The following COL5A1 variants were observed in gnomAD, a reference collection of about 807,000 sequenced individuals.
The protein encoded by COL5A1 is collagen alpha-1(V) chain.
In COL5A1, 16 loss-of-function variants were observed where a neutral mutation model predicts 263.7. That is an observed-to-expected ratio of 0.06 (90% CI 0.04 to 0.09). The LOEUF is 0.09. Ranked by LOEUF, COL5A1 falls within the 10% of genes least tolerant of loss-of-function variation. The probability of loss-of-function intolerance (pLI) is 1.00; values close to 1 mark genes in which losing one functional copy is unlikely to be tolerated. For missense variants in COL5A1, 2,036 were observed against 2,540.5 expected (o/e 0.80, Z 4.27); for synonymous variants, 1,012 against 1,004.5 (o/e 1.01, Z -0.14).
intron 43 of COL5A1, 85 bp from the exon 44 acceptor site, chr9:134,810,170 C>T (rs1381560687): frequency 6.8e-7 from 1 of 1,474,274 alleles, no homozygotes. Flanking sequence ...TGTTCTTAAT[C>T]TCCAAGAAAA....
intron 9 of COL5A1, chr9:134,732,803 G>T (rs113435610): frequency 0.021 from 3,352 of 158,976 alleles, 41 homozygotes; most frequent in Middle Eastern, 0.058. Context: ...TGGCGCGTTT[G>T]GTGGGGGCCC....
rs969407154 is a variant in COL5A1 at position 134,758,920 on chromosome 9, C to T, written c.1935+624C>T. Among the ~76,000 whole-genome samples the T allele has an allele frequency of 3.3e-5, 5 of 152,114 alleles. No homozygotes were observed. Among genetic ancestry groups the T allele is most frequent in the Admixed American group, 2.6e-4 (4 of 15,284 alleles). On this transcript the variant is annotated intron_variant, in intron 18 of 65. Transcript: ENST00000371817. The surrounding 1 kb of genome is among the most constrained non-coding windows in gnomAD (Gnocchi z 4.1). Reference sequence around the variant, plus strand: ...TTTGGATAAACGGCAACAGCCAAGCCCCTCGAATCTTGAATCTGTCTCAAT... The same window carrying T: ...TTTGGATAAACGGCAACAGCCAAGCTCCTCGAATCTTGAATCTGTCTCAAT...
At chr9:134,824,995 G>T in intron 62 of COL5A1, 140 bp downstream of exon 62, 3 of 1,249,152 alleles carry the variant, frequency 2.4e-6, no homozygotes, top group Non-Finnish European at 3.3e-6. Context: ...CTGTGGGGCC[G>T]GGGTGCGCAA....
At chr9:134,717,822 C>T (rs1163496226) in intron 4 of COL5A1, among the ~76,000 whole-genome samples, 1 of 152,178 alleles carries the variant, frequency 6.6e-6, no homozygotes. Flanking sequence ...GAGTGCTCAG[C>T]TGGGATTCCT....
intron 9 of COL5A1, 162 bp downstream of exon 9, chr9:134,732,289 C>T (rs1588482096): frequency 1.4e-6 from 1 of 735,420 alleles, no homozygotes; most frequent in East Asian, 2.7e-5. Context: ...ACCACTTGTC[C>T]CCAGGACTTG....
At chr9:134,657,355 TAGGGGGTGAAGTTTATAGATAATA>T (rs1832034406) in intron 1 of COL5A1, among the ~76,000 whole-genome samples, 1 of 23,034 alleles carries the variant, frequency 4.3e-5, no homozygotes, top group African/African-American at 1.8e-4. Context: ...GGGGCTGGGG[TAGGGGGTGAAGTTTATAGATAATA>T]TGGGGGTGGG....
At chr9:134,803,589 C>T (rs185056406) in intron 39 of COL5A1, among the ~76,000 whole-genome samples, 18 of 152,214 alleles carry the variant, frequency 1.2e-4, no homozygotes, top group East Asian at 3.9e-4. Flanking sequence ...GTGCCAAGAT[C>T]GTGCCAGTGC....
chr9:134,729,767 C>T (rs1834807541), intron 6 of COL5A1, among the ~76,000 whole-genome samples: 1 of 49,936 alleles, frequency 2.0e-5, no homozygotes, highest in African/African-American at 9.6e-5. Context: ...TGCATGCGGG[C>T]ACGGGTGTGC....
chr9:134,683,076 C>T (rs771821077), intron 1 of COL5A1, among the ~76,000 whole-genome samples: 4 of 152,240 alleles, frequency 2.6e-5, no homozygotes, highest in Non-Finnish European at 2.9e-5. Context: ...CTGTTCACAG[C>T]TTGCTCTTGC....
chr9:134,719,092 A>G (rs1421948346), intron 4 of COL5A1, among the ~76,000 whole-genome samples: 1 of 152,180 alleles, frequency 6.6e-6, no homozygotes, highest in Non-Finnish European at 1.5e-5. Context: ...AGCAGCCTCA[A>G]AGAACTGTGG....
chr9:134,753,208 A>G (rs1205616833), intron 14 of COL5A1, among the ~76,000 whole-genome samples: 1 of 152,172 alleles, frequency 6.6e-6, no homozygotes, highest in African/African-American at 2.4e-5. Context: ...CAGGATTTCC[A>G]GCCTCACCCG....
At chr9:134,763,897 G>A (rs1321881450) in intron 20 of COL5A1, among the ~76,000 whole-genome samples, 160 bp downstream of exon 20, 1 of 151,834 alleles carries the variant, frequency 6.6e-6, no homozygotes, top group Non-Finnish European at 1.5e-5. Context: ...GGAAGCCAAA[G>A]AGAGGAGGCA....
chr9:134,762,925 G>A (rs1231356036), intron 19 of COL5A1, among the ~76,000 whole-genome samples: 2 of 152,148 alleles, frequency 1.3e-5, no homozygotes, highest in Non-Finnish European at 2.9e-5. Context: ...ATGTGTATGT[G>A]CAGGGAGTGC....
chr9:134,748,770 G>A (rs1835669697), intron 11 of COL5A1, among the ~76,000 whole-genome samples: 1 of 152,158 alleles, frequency 6.6e-6, no homozygotes, highest in South Asian at 2.1e-4. Context: ...CGTCTGTCGG[G>A]CAGTGTTTGT....
chr9:134,744,785 AC>A (rs961584211), intron 11 of COL5A1, among the ~76,000 whole-genome samples: 1 of 151,664 alleles, frequency 6.6e-6, no homozygotes, highest in African/African-American at 2.4e-5. Context: ...ACATGCACAC[AC>A]ATACACCCAC....
intron 25 of COL5A1, 53 bp downstream of exon 25, chr9:134,768,516 C>T (rs535158787): frequency 7.9e-5 from 124 of 1,563,106 alleles, no homozygotes; most frequent in Non-Finnish European, 1.0e-4. Flanking sequence ...CTCCACCCTG[C>T]GGATAGGGCT....
chr9:134,809,003 A>G (rs1302269023), intron 42 of COL5A1, 180 bp from the exon 43 acceptor site: 22 of 666,084 alleles, frequency 3.3e-5, no homozygotes, highest in Non-Finnish European at 5.8e-5. Context: ...TTCATGGTCC[A>G]GGGGCGGGCT....
chr9:134,730,386 G>A lies in COL5A1; in HGVS notation c.1075G>A (p.Glu359Lys), dbSNP rs769752636. ...PSPYDDLTYG[E>K]GEENPDQPTD... The stretch of plus-strand genomic sequence containing the variant: ...ACCGTATGATGACCTCACCTATGGC[G>A]AGGGGGAGGAGAACCCCGACCAGCC... The change falls in exon 7 of 66, where the codon GAG (glutamate) becomes AAG (lysine). Residue 359 changes from glutamate (E) to lysine (K), a missense_variant. Physicochemically the swap from Glu to Lys is moderately conservative, Grantham distance 56. Coordinates refer to ENST00000371817, the MANE Select transcript of COL5A1 (RefSeq NM_000093.5). The A allele has an allele frequency of 4.3e-6, 7 of 1,614,084 alleles. No homozygotes were observed. Among genetic ancestry groups the A allele is most frequent in the African/African-American group, 4.0e-5 (3 of 74,944 alleles).
intron 63 of COL5A1, among the ~76,000 whole-genome samples, chr9:134,828,436 CCACACACA>C (rs59261059): frequency 2.7e-5 from 4 of 150,762 alleles, no homozygotes; most frequent in South Asian, 2.1e-4. Context: ...GAAGGTTCTA[CCACACACA>C]CACACACACA....
Sources: allele counts gnomAD v4.1 joint callset (sites outside exome capture counted in the v4.1 genomes callset), GRCh38; gene constraint gnomAD v4.1.1; non-coding constraint Gnocchi (gnomAD v3.1); transcripts MANE v1.5; gene names NCBI Gene and HGNC (gene_info 2026-07-23, HGNC 2026-07-21).